The following LDAH variants were observed in gnomAD, a reference collection of about 807,000 sequenced individuals.
LDAH encodes lipid droplet associated hydrolase.
Under a neutral mutation model 29.6 loss-of-function variants are expected in LDAH, and 26 were observed. That is an observed-to-expected ratio of 0.88 (90% CI 0.64 to 1.22). The LOEUF is 1.22. Ranked by LOEUF, LDAH falls within the 50% of genes most tolerant of loss-of-function variation. The pLI, the probability that LDAH is intolerant of heterozygous loss-of-function variation, is 0.00. For missense variants in LDAH, 344 were observed against 387.3 expected (o/e 0.89, Z 0.94); for synonymous variants, 117 against 133.0 (o/e 0.88, Z 0.83).
At chr2:20,812,292 C>G (rs770727311) in intron 1 of LDAH, among the ~76,000 whole-genome samples, 10 of 152,182 alleles carry the variant, frequency 6.6e-5, no homozygotes, top group Non-Finnish European at 1.3e-4. Context: ...GAACCTTTTC[C>G]TCTCCTATTC....
At chr2:20,762,448 C>G (rs1299499800) in intron 4 of LDAH, among the ~76,000 whole-genome samples, 1 of 152,124 alleles carries the variant, frequency 6.6e-6, no homozygotes, top group Non-Finnish European at 1.5e-5. Flanking sequence ...TGGTATTTAC[C>G]TGTTCAAACT....
At chr2:20,773,396 A>G (rs1056088381) in intron 4 of LDAH, among the ~76,000 whole-genome samples, 2 of 152,152 alleles carry the variant, frequency 1.3e-5, no homozygotes, top group Admixed American at 1.3e-4. Flanking sequence ...TGCAAGTAGA[A>G]CCACTAAGAG....
intron 3 of LDAH, among the ~76,000 whole-genome samples, chr2:20,781,680 T>C (rs1461675719): frequency 1.3e-5 from 2 of 152,200 alleles, no homozygotes; most frequent in Non-Finnish European, 1.5e-5. Context: ...ATACAGAAAG[T>C]CACAAACCTA....
intron 5 of LDAH, among the ~76,000 whole-genome samples, chr2:20,720,590 T>C (rs887054832): frequency 6.6e-5 from 10 of 152,006 alleles, no homozygotes; most frequent in Admixed American, 2.6e-4. Flanking sequence ...AAAATACTAA[T>C]GACATGCTTC....
intron 5 of LDAH, among the ~76,000 whole-genome samples, chr2:20,709,735 T>C (rs1558398174): frequency 1.3e-5 from 2 of 151,864 alleles, no homozygotes; most frequent in Non-Finnish European, 2.9e-5. Flanking sequence ...AGTCAAAGAG[T>C]GCAAACAATC....
chr2:20,784,251 T>C (rs1212012513), intron 3 of LDAH, among the ~76,000 whole-genome samples: 7 of 151,806 alleles, frequency 4.6e-5, no homozygotes, highest in Non-Finnish European at 7.4e-5. Flanking sequence ...ATAAAAAATA[T>C]AAAAATTAGC....
At chr2:20,811,164 C>G (rs1422535521) in intron 1 of LDAH, among the ~76,000 whole-genome samples, 1 of 151,812 alleles carries the variant, frequency 6.6e-6, no homozygotes, top group Admixed American at 6.6e-5. Flanking sequence ...ACTACAGGCG[C>G]CCGCCACCAC....
chr2:20,751,497 A>G (rs1241577326), intron 4 of LDAH, among the ~76,000 whole-genome samples: 1 of 152,248 alleles, frequency 6.6e-6, no homozygotes, highest in African/African-American at 2.4e-5. Flanking sequence ...CGTAACTTCT[A>G]TCTTCAATGA....
chr2:20,688,491 C>T (rs1416397511), intron 6 of LDAH, among the ~76,000 whole-genome samples: 1 of 152,122 alleles, frequency 6.6e-6, no homozygotes, highest in Non-Finnish European at 1.5e-5. Flanking sequence ...ATGCTGAGGT[C>T]CCTATGTCAG....
intron 1 of LDAH, among the ~76,000 whole-genome samples, chr2:20,817,974 T>C (rs1183583722): frequency 3.3e-5 from 5 of 152,112 alleles, no homozygotes; most frequent in East Asian, 3.9e-4. Context: ...TGGGACAAGA[T>C]AGACTGACTA....
intron 6 of LDAH, among the ~76,000 whole-genome samples, chr2:20,696,606 TC>T (rs1237714837): frequency 1.3e-5 from 2 of 151,780 alleles, no homozygotes; most frequent in Non-Finnish European, 2.9e-5. Flanking sequence ...AGTTTAGAAT[TC>T]CCCCCCTAAG....
chr2:20,770,069 T>C (rs535874305), intron 4 of LDAH, among the ~76,000 whole-genome samples: 1 of 152,332 alleles, frequency 6.6e-6, no homozygotes, highest in South Asian at 2.1e-4. Flanking sequence ...AGCATAACAC[T>C]ATCAAAATAA....
intron 5 of LDAH, among the ~76,000 whole-genome samples, chr2:20,718,170 A>T (rs1306826322): frequency 6.6e-6 from 1 of 152,166 alleles, no homozygotes; most frequent in Non-Finnish European, 1.5e-5. Context: ...ACCTATCAAT[A>T]ATAACATTGA....
At chr2:20,799,426 G>C (rs1671519736) in intron 2 of LDAH, among the ~76,000 whole-genome samples, 1 of 152,100 alleles carries the variant, frequency 6.6e-6, no homozygotes, top group Non-Finnish European at 1.5e-5. Flanking sequence ...TATAGAACGT[G>C]TAATGATCAT....
At chr2:20,692,573 G>C (rs552202385) in intron 6 of LDAH, among the ~76,000 whole-genome samples, 2 of 152,262 alleles carry the variant, frequency 1.3e-5, no homozygotes, top group Admixed American at 6.5e-5. Context: ...CTAATAAAAT[G>C]AAAGTTTTGC....
intron 6 of LDAH, among the ~76,000 whole-genome samples, chr2:20,696,174 G>C (rs1196094316): frequency 6.6e-6 from 1 of 152,220 alleles, no homozygotes; most frequent in Non-Finnish European, 1.5e-5. Context: ...GGCCTGGTGA[G>C]CTGGTCCAGG....
intron 3 of LDAH, among the ~76,000 whole-genome samples, chr2:20,785,971 C>A (rs1034950090): frequency 6.6e-6 from 1 of 152,106 alleles, no homozygotes; most frequent in Admixed American, 6.6e-5. Context: ...TTTAAATTCC[C>A]GATCTGATAT....
At chr2:20,768,153 C>A (rs1272424990) in intron 4 of LDAH, among the ~76,000 whole-genome samples, 1 of 152,230 alleles carries the variant, frequency 6.6e-6, no homozygotes, top group African/African-American at 2.4e-5. Context: ...AACAAGAACT[C>A]AGGACCTGAT....
Position 20,812,473 on chromosome 2 carries a change from T to C in LDAH, c.-3+10564A>G, listed in dbSNP as rs376470114. On this transcript the variant is annotated intron_variant, in intron 1 of 6. Transcript: ENST00000237822. Reference sequence around the variant, plus strand: ...TTCATCTGGGTGCCTCATTGATGCATAAAACTTCTGCAGAGCAAGTATCAA... The same window carrying C: ...TTCATCTGGGTGCCTCATTGATGCACAAAACTTCTGCAGAGCAAGTATCAA... Among the ~76,000 whole-genome samples, 9 of 152,310 alleles carry C rather than the reference T, an allele frequency of 5.9e-5. No individual in the cohort carries two copies. The East Asian group carries it at 1.4e-3, about 23-fold the overall frequency.
Sources: gnomAD v4.1 joint callset for allele counts (sites outside exome capture counted in the v4.1 genomes callset) on GRCh38, gnomAD v4.1.1 for gene constraint, MANE v1.5 for transcripts, NCBI Gene and HGNC (gene_info 2026-07-23, HGNC 2026-07-21) for gene names.